Variants in AGBL2 observed in about 807,000 individuals in gnomAD.
AGBL2 encodes the protein cytosolic carboxypeptidase 2.
A neutral mutation model predicts 103.0 loss-of-function variants in AGBL2; 87 were observed. The ratio of observed to expected loss-of-function variants is 0.84; its 90% CI spans 0.71 to 1.01. The LOEUF (loss-of-function observed/expected upper bound fraction) is 1.01, where lower values mean the gene tolerates loss of function less well. Among genes scored for constraint, AGBL2 ranks in the 50% least tolerant of loss-of-function variants. AGBL2 has a pLI of 0.00. For synonymous variants in AGBL2, 335 were observed against 356.7 expected (o/e 0.94, Z 0.69); for missense variants, 904 against 1,023.5 (o/e 0.88, Z 1.59).
intron 14 of AGBL2, among the ~76,000 whole-genome samples, chr11:47,669,620 A>C (rs936126798): frequency 2.6e-5 from 4 of 152,098 alleles, no homozygotes; most frequent in Non-Finnish European, 2.9e-5. Flanking sequence ...CAGAGGTTGC[A>C]GTGAACCGAG....
At chr11:47,677,681 G>A (rs1201438343) in intron 13 of AGBL2, among the ~76,000 whole-genome samples, 4 of 152,070 alleles carry the variant, frequency 2.6e-5, no homozygotes, top group Non-Finnish European at 5.9e-5. Flanking sequence ...TTGAACTCCC[G>A]ACCTCAGGTG....
Position 47,676,238 on chromosome 11 carries a change from T to C in AGBL2, c.2147+1033A>G, listed in dbSNP as rs572247250. Among the ~76,000 whole-genome samples the C allele has an allele frequency of 2.0e-5, 3 of 152,186 alleles. No homozygotes were observed. The South Asian group carries it at 6.2e-4, about 32-fold the overall frequency. ...CTAAAGGCAACTCCATCCAACCAAT[T>C]GTGGAGTCATTCTCTTCTTTTCTCA... On this transcript the variant is annotated intron_variant, in intron 14 of 18. Coordinates refer to ENST00000525123, the MANE Select transcript of AGBL2 (RefSeq NM_024783.4).
chr11:47,690,847 T>C lies in AGBL2; in HGVS notation c.860A>G (p.Glu287Gly). 3.7e-6 allele frequency: 6 copies of C among 1,609,048 alleles called. No homozygotes were observed. Among genetic ancestry groups the C allele is most frequent in the Non-Finnish European group, 5.1e-6 (6 of 1,179,314 alleles). The part of the protein sequence containing the change: ...LQKAVRVDTY[E>G]YELTLRTDLY... ...GTCAGTTCGCAAGGTGAGTTCATAC[T>C]CATAGGTGTCTCTGTAATGGAGAAA... Residue 287 changes from glutamate to glycine, a missense_variant, in exon 10 of 19, where the codon GAG becomes GGG. Transcript: ENST00000525123.
chr11:47,711,860 G>A (rs1198459958), intron 3 of AGBL2, among the ~76,000 whole-genome samples: 9 of 152,128 alleles, frequency 5.9e-5, no homozygotes, highest in African/African-American at 2.2e-4. Context: ...TGTATGGAAA[G>A]TAAAAAATTG....
intron 12 of AGBL2, 141 bp downstream of exon 12, chr11:47,681,828 C>A: frequency 1.0e-6 from 1 of 996,852 alleles, no homozygotes; most frequent in Admixed American, 2.8e-5. Flanking sequence ...ATATGTTGGG[C>A]ACTCAAATTT....
At chr11:47,673,813 A>AC (rs2097365170) in intron 14 of AGBL2, among the ~76,000 whole-genome samples, 1 of 146,898 alleles carries the variant, frequency 6.8e-6, no homozygotes, top group East Asian at 2.1e-4. Flanking sequence ...AAAAAAAAAA[A>AC]AATTGGCCAG....
chr11:47,697,847 T>C (rs1028415850), intron 8 of AGBL2, among the ~76,000 whole-genome samples: 1 of 149,394 alleles, frequency 6.7e-6, no homozygotes, highest in African/African-American at 2.5e-5. Flanking sequence ...CGCCCGGCCT[T>C]TTTTTATTTT....
At chr11:47,682,388 T>C (rs1003754415) in intron 11 of AGBL2, among the ~76,000 whole-genome samples, 3 of 152,166 alleles carry the variant, frequency 2.0e-5, no homozygotes, top group Non-Finnish European at 2.9e-5. Flanking sequence ...GAAGAGAGTA[T>C]ATTTGCAATA....
chr11:47,686,380 C>T (rs1390885049), intron 10 of AGBL2, among the ~76,000 whole-genome samples: 1 of 151,946 alleles, frequency 6.6e-6, no homozygotes, highest in African/African-American at 2.4e-5. Flanking sequence ...GTCATCCGCC[C>T]ACCTCAGCCT....
chr11:47,707,722 C>T (rs2097525563), intron 4 of AGBL2, among the ~76,000 whole-genome samples: 1 of 152,086 alleles, frequency 6.6e-6, no homozygotes, highest in Non-Finnish European at 1.5e-5. Flanking sequence ...AAGTGTGTTC[C>T]TCCATACCCT....
At chr11:47,680,936 A>G (rs2097399039) in intron 12 of AGBL2, among the ~76,000 whole-genome samples, 1 of 152,214 alleles carries the variant, frequency 6.6e-6, no homozygotes, top group African/African-American at 2.4e-5. Flanking sequence ...GGTTCTAATT[A>G]CTGGGGTTTT....
chr11:47,678,343 A>ATTATTATTATTATTTTTTTTTTTTTT (rs2097385523), intron 13 of AGBL2, among the ~76,000 whole-genome samples: 2 of 116,762 alleles, frequency 1.7e-5, no homozygotes, highest in Admixed American at 1.8e-4. Context: ...TTATTATTTT[A>ATTATTATTATTATTTTTTTTTTTTTT]TTTTTTTTGA....
rs150470903 is a variant in AGBL2, at chr11:47,690,724, G to A, written c.983C>T (p.Pro328Leu). The A allele has an allele frequency of 5.0e-6, 8 of 1,613,940 alleles. No individual in the cohort carries two copies. The highest frequency in any genetic ancestry group is 1.6e-4 in the Middle Eastern group (1 of 6,084). The part of the protein sequence containing the change: ...YRFTIVNLLK[P>L]KSLYTVGMKP... ...CATCCCTACAGTATAAAGACTCTTG[G>A]GTTTTAGCAAGTTGACAATGGTGAA... The change falls in exon 10 of 19, where the codon CCC (proline) becomes CTC (leucine). Residue 328 changes from proline (P) to leucine (L), a missense_variant. Transcript: ENST00000525123.
chr11:47,670,702 A>G (rs907812919), intron 14 of AGBL2, among the ~76,000 whole-genome samples: 3 of 151,328 alleles, frequency 2.0e-5, no homozygotes, highest in African/African-American at 7.3e-5. Flanking sequence ...ATTAAAAAAA[A>G]AAAAAGGGTG....
At chr11:47,696,237 T>G (rs1396815895) in intron 8 of AGBL2, among the ~76,000 whole-genome samples, 1 of 151,156 alleles carries the variant, frequency 6.6e-6, no homozygotes, top group Non-Finnish European at 1.5e-5. Flanking sequence ...GTAGGTCATT[T>G]GAGCCTGGGT....
At chr11:47,714,516 ACCAGAACAT>A (rs1025239533) in intron 2 of AGBL2, 93 bp downstream of exon 2, 1 of 1,396,610 alleles carries the variant, frequency 7.2e-7, no homozygotes, top group African/African-American at 1.4e-5. Context: ...AAAAGATGCC[ACCAGAACAT>A]CCCTTCTCAT....
chr11:47,690,760 G>A lies in AGBL2; in HGVS notation c.947C>T (p.Ala316Val), dbSNP rs1336903375. 6.2e-7 allele frequency: 1 copy of A among 1,613,940 alleles called. No individual in the cohort carries two copies. Among genetic ancestry groups the A allele is most frequent in the African/African-American group, 1.3e-5 (1 of 74,898 alleles). Residue 316 changes from alanine (A) to valine (V), a missense_variant, in exon 10 of 19, where the codon GCT becomes GTT. Physicochemically the swap from Ala to Val is moderately conservative, Grantham distance 64. Transcript: ENST00000525123. ...YFRVQNTRKD[A>V]TYRFTIVNLL... is the part of the protein sequence containing the mutation. The stretch of plus-strand genomic sequence containing the variant: ...GTTGACAATGGTGAAGCGATAGGTA[G>A]CATCTTTTCTGGTGTTCTGAACACG...
intron 7 of AGBL2, among the ~76,000 whole-genome samples, chr11:47,702,324 A>G (rs1354360920): frequency 3.9e-5 from 6 of 152,114 alleles, no homozygotes; most frequent in Non-Finnish European, 7.3e-5. Flanking sequence ...GATCATTTCG[A>G]ACTCATCCTT....
At chr11:47,704,795 A>G in intron 6 of AGBL2, 67 bp from the exon 7 acceptor site, 4 of 1,250,448 alleles carry the variant, frequency 3.2e-6, no homozygotes, top group Non-Finnish European at 4.6e-6. Context: ...CTGCTCATCT[A>G]TAACAATGAA....
Sources: allele counts gnomAD v4.1 joint callset (sites outside exome capture counted in the v4.1 genomes callset), GRCh38; gene constraint gnomAD v4.1.1; transcripts MANE v1.5; gene names NCBI Gene and HGNC (gene_info 2026-07-23, HGNC 2026-07-21).